The following LHFPL2 variants were observed in gnomAD, a reference collection of about 807,000 sequenced individuals.
LHFPL2 encodes LHFPL tetraspan subfamily member 2.
Under a neutral mutation model 17.5 loss-of-function variants are expected in LHFPL2, and 7 were observed. The observed-to-expected ratio is 0.40, with a 90% CI of 0.23 to 0.75. The LOEUF is 0.75. Among genes scored for constraint, LHFPL2 ranks in the 30% least tolerant of loss-of-function variants. The probability of loss-of-function intolerance (pLI) is 0.37; values close to 1 mark genes in which losing one functional copy is unlikely to be tolerated. For synonymous variants in LHFPL2, 134 were observed against 116.2 expected, an observed-to-expected ratio of 1.15 and a Z score of -0.99; for missense variants, 241 against 294.8, an observed-to-expected ratio of 0.82 and a Z score of 1.34.
intron 3 of LHFPL2, among the ~76,000 whole-genome samples, chr5:78,557,262 G>GCA (rs1756596592): frequency 6.6e-6 from 1 of 151,752 alleles, no homozygotes; most frequent in Non-Finnish European, 1.5e-5. Context: ...TTGCCCCAAT[G>GCA]ACTTTCTCTG....
chr5:78,619,777 T>C (rs1386059321), intron 2 of LHFPL2, among the ~76,000 whole-genome samples: 4 of 129,774 alleles, frequency 3.1e-5, no homozygotes, highest in African/African-American at 5.8e-5. Flanking sequence ...GTCCTTGCAA[T>C]AGTTTACTGA....
At chr5:78,573,334 A>C (rs1183141945) in intron 2 of LHFPL2, among the ~76,000 whole-genome samples, 1 of 152,202 alleles carries the variant, frequency 6.6e-6, no homozygotes, top group Non-Finnish European at 1.5e-5. Flanking sequence ...GATGACTTAA[A>C]TGTAAAGGTC....
intron 2 of LHFPL2, among the ~76,000 whole-genome samples, chr5:78,590,408 A>G (rs1580838726): frequency 6.6e-6 from 1 of 152,196 alleles, no homozygotes; most frequent in Admixed American, 6.5e-5. Context: ...TTTTCTAACT[A>G]TATTGAAATC....
intron 4 of LHFPL2, among the ~76,000 whole-genome samples, chr5:78,492,701 T>TA (rs1255433657): frequency 5.9e-5 from 9 of 152,222 alleles, no homozygotes; most frequent in Non-Finnish European, 1.2e-4. Context: ...TTAAGTCACA[T>TA]AAGAGTGCCA....
At chr5:78,555,167 C>T (rs895525319) in intron 3 of LHFPL2, among the ~76,000 whole-genome samples, 8 of 152,058 alleles carry the variant, frequency 5.3e-5, no homozygotes, top group Non-Finnish European at 8.8e-5. Flanking sequence ...AAATCAAAGC[C>T]CTTTAACTAG....
chr5:78,566,123 C>A lies in LHFPL2; in HGVS notation c.-244-1252G>T, dbSNP rs186015843. On this transcript the variant is annotated intron_variant, in intron 2 of 4. Transcript: ENST00000380345. ...CAGAAAATATTCAACAGCCTCAATTCCACTGATAAGCAAGAAAACAAGAAG... is the reference window on the plus strand; with the variant it reads ...CAGAAAATATTCAACAGCCTCAATTACACTGATAAGCAAGAAAACAAGAAG... Among the ~76,000 whole-genome samples, 298 of 152,298 alleles carry A rather than the reference C, an allele frequency of 2.0e-3. 1 individual carries two copies. The highest frequency in any genetic ancestry group is 6.7e-3 in the African/African-American group (277 of 41,560).
intron 3 of LHFPL2, among the ~76,000 whole-genome samples, chr5:78,536,738 T>C (rs1561327801): frequency 6.6e-6 from 1 of 152,250 alleles, no homozygotes; most frequent in Admixed American, 6.5e-5. Flanking sequence ...CCCAGCCATA[T>C]GCATTTTTAC....
chr5:78,619,485 T>A (rs1056584701), intron 2 of LHFPL2, among the ~76,000 whole-genome samples: 1 of 148,832 alleles, frequency 6.7e-6, no homozygotes, highest in African/African-American at 2.5e-5. Flanking sequence ...GAGTTTTTAT[T>A]TATATATATA....
intron 2 of LHFPL2, among the ~76,000 whole-genome samples, chr5:78,620,324 A>C (rs1317868607): frequency 2.0e-5 from 3 of 152,006 alleles, no homozygotes; most frequent in Non-Finnish European, 4.4e-5. Context: ...GTGTCTGTTC[A>C]TGTCCTTCGC....
chr5:78,567,934 G>A (rs1286788598), intron 2 of LHFPL2, among the ~76,000 whole-genome samples: 1 of 152,130 alleles, frequency 6.6e-6, no homozygotes, highest in Non-Finnish European at 1.5e-5. Flanking sequence ...AGGCTGTACT[G>A]CTTTTTCATT....
At chr5:78,496,241 C>T (rs956383037) in intron 4 of LHFPL2, among the ~76,000 whole-genome samples, 7 of 152,196 alleles carry the variant, frequency 4.6e-5, no homozygotes, top group Admixed American at 1.3e-4. Context: ...CAGCACACTT[C>T]GTGACACTTT....
intron 1 of LHFPL2, among the ~76,000 whole-genome samples, chr5:78,635,726 C>A (rs1448975400): frequency 6.6e-6 from 1 of 152,156 alleles, no homozygotes; most frequent in Non-Finnish European, 1.5e-5. Flanking sequence ...TGGTGTGAAC[C>A]CGGGAGGCAG....
chr5:78,627,794 T>G (rs538487638), intron 2 of LHFPL2, among the ~76,000 whole-genome samples: 48 of 152,338 alleles, frequency 3.2e-4, no homozygotes, highest in African/African-American at 1.1e-3. Flanking sequence ...ACCATGTGCT[T>G]TGACACTCCG....
At chr5:78,518,953 G>T (rs528479769) in intron 3 of LHFPL2, among the ~76,000 whole-genome samples, 6 of 152,304 alleles carry the variant, frequency 3.9e-5, no homozygotes, top group African/African-American at 1.4e-4. Context: ...GGCAGAAATG[G>T]CTTTAGGTTC....
At chr5:78,572,783 CT>C (rs1225221754) in intron 2 of LHFPL2, among the ~76,000 whole-genome samples, 1 of 152,132 alleles carries the variant, frequency 6.6e-6, no homozygotes, top group African/African-American at 2.4e-5. Context: ...AGTCCCCAAC[CT>C]TTTTGCCACC....
At chr5:78,528,188 C>G (rs1755675087) in intron 3 of LHFPL2, among the ~76,000 whole-genome samples, 1 of 152,172 alleles carries the variant, frequency 6.6e-6, no homozygotes, top group Non-Finnish European at 1.5e-5. Flanking sequence ...TCTAACTCAA[C>G]TCTGCTGACA....
chr5:78,604,147 T>TA (rs1744127149), intron 2 of LHFPL2, among the ~76,000 whole-genome samples: 1 of 152,094 alleles, frequency 6.6e-6, no homozygotes, highest in Admixed American at 6.6e-5. Context: ...ACCCACCACT[T>TA]AAAACCATAA....
intron 2 of LHFPL2, among the ~76,000 whole-genome samples, chr5:78,573,022 G>A (rs748561140): frequency 1.3e-4 from 20 of 152,140 alleles, no homozygotes; most frequent in Non-Finnish European, 2.4e-4. Context: ...ATGCTCGCTC[G>A]CCTGGTCCTG....
chr5:78,550,301 C>G (rs1756402945), intron 3 of LHFPL2, among the ~76,000 whole-genome samples: 1 of 152,184 alleles, frequency 6.6e-6, no homozygotes, highest in South Asian at 2.1e-4. Flanking sequence ...AACTAATACT[C>G]TAGTCATGAG....
Sources: gnomAD v4.1 joint callset for allele counts (sites outside exome capture counted in the v4.1 genomes callset) on GRCh38, gnomAD v4.1.1 for gene constraint, MANE v1.5 for transcripts, NCBI Gene and HGNC (gene_info 2026-07-23, HGNC 2026-07-21) for gene names.